The following DSE variants were observed in gnomAD, a reference collection of about 807,000 sequenced individuals.
The protein encoded by DSE is dermatan-sulfate epimerase.
DSE carries 36 observed loss-of-function variants against 84.4 expected under a neutral mutation model. That is an observed-to-expected ratio of 0.43 (90% CI 0.33 to 0.56). The LOEUF (loss-of-function observed/expected upper bound fraction) is 0.56. Among genes scored for constraint, DSE ranks in the 20% least tolerant of loss-of-function variants. The pLI is 0.06. For synonymous variants in DSE, 410 were observed against 430.1 expected, an observed-to-expected ratio of 0.95 and a Z score of 0.58; for missense variants, 862 against 1,169.6, an observed-to-expected ratio of 0.74 and a Z score of 3.84.
chr6:116,273,635 G>C (rs960120830), intron 2 of DSE, among the ~76,000 whole-genome samples: 20 of 152,094 alleles, frequency 1.3e-4, no homozygotes, highest in Admixed American at 6.5e-4. Context: ...GTGTGCAGTA[G>C]ATGTTTTGAA....
intron 2 of DSE, chr6:116,277,740 A>G (rs1397925179): frequency 6.6e-6 from 1 of 152,046 alleles, no homozygotes; most frequent in Non-Finnish European, 1.5e-5. Context: ...CGTCTCTACT[A>G]AAAATATAAA....
At chr6:116,426,358 G>A (rs1394968026) in intron 2 of DSE, among the ~76,000 whole-genome samples, 1 of 152,176 alleles carries the variant, frequency 6.6e-6, no homozygotes, top group East Asian at 1.9e-4. Context: ...GATGTTGCCA[G>A]AATCCTGAGA....
At chr6:116,391,509 G>A (rs1052094409) in intron 1 of DSE, among the ~76,000 whole-genome samples, 1 of 152,194 alleles carries the variant, frequency 6.6e-6, no homozygotes, top group Non-Finnish European at 1.5e-5. Flanking sequence ...GCTCACGCCT[G>A]TAATCCCAGC....
At position 116,280,976 on chromosome 6, in the gene DSE, T is replaced by C. The variant is rs115419133; in HGVS notation, c.-54+22009T>C. ...GCCTGATGGCCCTCAAAGATGTACC[T>C]GTCTTAGTTATGCGGCCAAAGGGAC... On this transcript the variant is annotated intron_variant, in intron 2 of 3. Coordinates refer to the DSE transcript ENST00000430252. Among the ~76,000 whole-genome samples the C allele has an allele frequency of 2.7e-3, 410 of 152,370 alleles. 4 individuals are homozygous for C. The highest frequency in any genetic ancestry group is 9.4e-3 in the African/African-American group (390 of 41,584).
chr6:116,319,455 A>G lies in DSE; in HGVS notation c.-54+60488A>G, dbSNP rs541035082. 1.7e-4 allele frequency among the ~76,000 whole-genome samples: 26 copies of G among 152,358 alleles called. No homozygotes were observed. The South Asian group carries it at 5.4e-3, about 32-fold the overall frequency. ...GGAATGAGGAAATATGGTGAATCTA[A>G]CACTGGCCCTTGAAGCCTCTGCTTA... On this transcript the variant is annotated intron_variant, in intron 2 of 3. Coordinates refer to the DSE transcript ENST00000430252.
At chr6:116,393,676 T>C (rs888525703) in intron 1 of DSE, among the ~76,000 whole-genome samples, 3 of 152,248 alleles carry the variant, frequency 2.0e-5, no homozygotes, top group African/African-American at 7.2e-5. Flanking sequence ...ATTTATGCTC[T>C]TGTCTGCCCA....
intron 2 of DSE, among the ~76,000 whole-genome samples, chr6:116,343,485 G>T (rs1385774997): frequency 5.9e-5 from 9 of 152,194 alleles, no homozygotes; most frequent in African/African-American, 2.2e-4. Flanking sequence ...TGGCCATTCT[G>T]CAATATTTGC....
chr6:116,425,813 G>A (rs533877490), intron 2 of DSE, among the ~76,000 whole-genome samples: 1 of 151,662 alleles, frequency 6.6e-6, no homozygotes, highest in African/African-American at 2.4e-5. Flanking sequence ...TAGTAGAAAC[G>A]GGGTTTCACC....
chr6:116,322,243 C>T (rs1323785091), intron 2 of DSE, among the ~76,000 whole-genome samples: 3 of 152,104 alleles, frequency 2.0e-5, no homozygotes, highest in African/African-American at 4.8e-5. Context: ...CCGATTAGGT[C>T]GGGGTCGATC....
At chr6:116,393,420 A>G (rs1382108067) in intron 1 of DSE, among the ~76,000 whole-genome samples, 1 of 152,186 alleles carries the variant, frequency 6.6e-6, no homozygotes, top group East Asian at 1.9e-4. Flanking sequence ...TTATATTTTT[A>G]CCTGTAAAGT....
intron 2 of DSE, chr6:116,259,063 T>G: frequency 6.4e-7 from 1 of 1,551,040 alleles, no homozygotes; most frequent in Non-Finnish European, 8.9e-7. Context: ...CCCAAAGAGC[T>G]TGATGTCTGG....
chr6:116,286,508 C>G (rs764421951), intron 2 of DSE, among the ~76,000 whole-genome samples: 1 of 152,088 alleles, frequency 6.6e-6, no homozygotes, highest in Non-Finnish European at 1.5e-5. Flanking sequence ...TGAATGCCAT[C>G]TTTTTATAAC....
intron 2 of DSE, among the ~76,000 whole-genome samples, chr6:116,349,545 A>G (rs1418728059): frequency 6.6e-6 from 1 of 152,234 alleles, no homozygotes; most frequent in African/African-American, 2.4e-5. Context: ...AACTGTGACT[A>G]CAGCCTCAGA....
At chr6:116,318,623 A>G (rs1012175350) in intron 2 of DSE, among the ~76,000 whole-genome samples, 18 of 152,374 alleles carry the variant, frequency 1.2e-4, no homozygotes, top group African/African-American at 3.8e-4. Context: ...GACTGATATC[A>G]AAGCTCCAGT....
In DSE at chr6:116,316,826, C is replaced by CTACTATTATTATTATTATTAT. The variant is rs59889768; in HGVS notation, c.-54+57861_-54+57862insCTATTATTATTATTATTATTA. On this transcript the variant is annotated intron_variant, in intron 2 of 3. Coordinates refer to the DSE transcript ENST00000430252. ...TCTTCTTCTACTACTACTACTACTA[C>CTACTATTATTATTATTATTAT]TATTATTATTATTATTATTATTATT... is the stretch of plus-strand genomic sequence containing the variant. 1.7e-3 allele frequency among the ~76,000 whole-genome samples: 243 copies of CTACTATTATTATTATTATTAT among 145,866 alleles called. 1 individual carries two copies. The highest frequency in any genetic ancestry group is 3.5e-3 in the Middle Eastern group (1 of 284).
chr6:116,320,827 A>G (rs1185459386), intron 2 of DSE, among the ~76,000 whole-genome samples: 3 of 152,160 alleles, frequency 2.0e-5, no homozygotes, highest in Non-Finnish European at 4.4e-5. Flanking sequence ...TTTTAACTTA[A>G]TTACCTCTTT....
At position 116,440,935 on chromosome 6, in the gene DSE, CG is replaced by C. The variant is rs1784404888; in HGVS notation, c.*3591del. On this transcript the variant is annotated 3_prime_UTR_variant, in exon 6 of 6. Transcript: ENST00000644252. ...AGGGGGGCCTGATCCTTTCCCTGTT[CG>C]CTGTGTATTCCCTGTCTGTGGCAAA... The C allele has an allele frequency of 1.3e-5, 2 of 152,150 alleles. No individual in the cohort carries two copies. Among genetic ancestry groups the C allele is most frequent in the African/African-American group, 4.8e-5 (2 of 41,416 alleles). 9.4% of individuals were successfully genotyped at this position (152,150 alleles called of 1,614,324 possible).
chr6:116,365,527 AC>A (rs1779117796), upstream of DSE, among the ~76,000 whole-genome samples: 1 of 152,230 alleles, frequency 6.6e-6, no homozygotes, highest in Non-Finnish European at 1.5e-5. Context: ...TGCTGGGATC[AC>A]AGCCGTGAGC....
chr6:116,353,240 C>T (rs1040353796), intron 2 of DSE, among the ~76,000 whole-genome samples: 2 of 152,110 alleles, frequency 1.3e-5, no homozygotes, highest in Non-Finnish European at 2.9e-5. Flanking sequence ...ACTTCTGGTT[C>T]ATGAGAAGGA....
Sources: gnomAD v4.1 joint callset for allele counts (sites outside exome capture counted in the v4.1 genomes callset) on GRCh38, gnomAD v4.1.1 for gene constraint, MANE v1.5 for transcripts, NCBI Gene and HGNC (gene_info 2026-07-23, HGNC 2026-07-21) for gene names.